The following VPS41 variants were observed in gnomAD, a reference collection of about 807,000 sequenced individuals.
VPS41 encodes vacuolar protein sorting-associated protein 41 homolog.
Under a neutral mutation model 130.9 loss-of-function variants are expected in VPS41, and 85 were observed. That is an observed-to-expected ratio of 0.65 (90% CI 0.55 to 0.78). The LOEUF is 0.78. VPS41 is among the 30% of genes least tolerant of loss of function. VPS41 has a pLI of 0.00. For synonymous variants in VPS41, 335 were observed against 332.9 expected (o/e 1.01, Z -0.07); for missense variants, 874 against 1,018.7 (o/e 0.86, Z 1.93).
chr7:38,818,503 G>A (rs758802270), intron 6 of VPS41, among the ~76,000 whole-genome samples: 2 of 152,098 alleles, frequency 1.3e-5, no homozygotes, highest in Non-Finnish European at 2.9e-5. Context: ...TTGCTACCCA[G>A]GTTTCTCTTA....
intron 7 of VPS41, among the ~76,000 whole-genome samples, chr7:38,811,093 A>G (rs1363837102): frequency 1.3e-5 from 2 of 152,126 alleles, no homozygotes; most frequent in African/African-American, 4.8e-5. Flanking sequence ...CTCCTTTCTT[A>G]ATGTAACCTT....
At chr7:38,817,202 T>C (rs73115622) in intron 7 of VPS41, among the ~76,000 whole-genome samples, 9,166 of 152,150 alleles carry the variant, frequency 0.06, 283 homozygotes, top group Middle Eastern at 0.082. Flanking sequence ...AGTTTAAGTG[T>C]GCTTTTGTTA....
intron 2 of VPS41, among the ~76,000 whole-genome samples, chr7:38,869,826 C>T (rs992766557): frequency 2.7e-4 from 41 of 151,948 alleles, no homozygotes; most frequent in African/African-American, 9.2e-4. Flanking sequence ...GTCAAAAAAC[C>T]ATTCAAACCA....
intron 7 of VPS41, among the ~76,000 whole-genome samples, chr7:38,813,955 G>A (rs185636150): frequency 9.8e-5 from 15 of 152,302 alleles, no homozygotes; most frequent in African/African-American, 3.4e-4. Context: ...CAACCAAAGA[G>A]ACAAACCAAA....
At chr7:38,786,770 G>A (rs1784446214) in intron 10 of VPS41, among the ~76,000 whole-genome samples, 1 of 152,096 alleles carries the variant, frequency 6.6e-6, no homozygotes, top group African/African-American at 2.4e-5. Context: ...AATGCCAGCT[G>A]TCATCATTTC....
chr7:38,725,615 C>T lies in VPS41; in HGVS notation c.*631G>A, dbSNP rs1373417393. 6.6e-6 allele frequency: 1 copy of T among 152,274 alleles called. No homozygotes were observed. Among genetic ancestry groups the T allele is most frequent in the Non-Finnish European group, 1.5e-5 (1 of 68,084 alleles). 9.4% of individuals were successfully genotyped at this position (152,274 alleles called of 1,614,324 possible). A position where few individuals can be genotyped will look rare whatever the true frequency, so the allele number is the denominator to read the frequency against. Reference sequence around the variant, plus strand: ...GCTGAGTGTCCGCCATGGCCAGATACTCTTTGACAGTCGTCACAGCACACA... The same window carrying T: ...GCTGAGTGTCCGCCATGGCCAGATATTCTTTGACAGTCGTCACAGCACACA... On this transcript the variant is annotated 3_prime_UTR_variant, in exon 29 of 29. Transcript: ENST00000310301.
Position 38,724,535 on chromosome 7 carries a change from C to T in VPS41, c.*1711G>A, listed in dbSNP as rs1795498076. 6.6e-6 allele frequency: 1 copy of T among 152,152 alleles called. No homozygotes were observed. Among genetic ancestry groups the T allele is most frequent in the Non-Finnish European group, 1.5e-5 (1 of 68,028 alleles). The allele number at this position is 152,152 out of a possible 1,614,324, so 9.4% of individuals were successfully genotyped here. A position where few individuals can be genotyped will look rare whatever the true frequency, so the allele number is the denominator to read the frequency against. On this transcript the variant is annotated 3_prime_UTR_variant, in exon 29 of 29. Coordinates refer to ENST00000310301, the MANE Select transcript of VPS41 (RefSeq NM_014396.4). ...CTGTTGTTTGCTAGAGAATTCTTAACTCTAATGTGAAGATATGTTCTGTGC... is the reference window on the plus strand; with the variant it reads ...CTGTTGTTTGCTAGAGAATTCTTAATTCTAATGTGAAGATATGTTCTGTGC...
intron 7 of VPS41, among the ~76,000 whole-genome samples, chr7:38,801,635 G>A (rs1235826492): frequency 6.6e-6 from 1 of 152,114 alleles, no homozygotes. Flanking sequence ...ATGTTTTATG[G>A]TCACACTGGT....
chr7:38,763,397 G>C, intron 17 of VPS41, 58 bp downstream of exon 17: 1 of 1,232,430 alleles, frequency 8.1e-7, no homozygotes, highest in Non-Finnish European at 1.1e-6. Flanking sequence ...TTCCTTTCTA[G>C]ATTTCCTAAC....
At chr7:38,907,632 T>C (rs1215289079) in intron 1 of VPS41, among the ~76,000 whole-genome samples, 2 of 152,236 alleles carry the variant, frequency 1.3e-5, no homozygotes, top group Non-Finnish European at 2.9e-5. Context: ...TAATTTTGTA[T>C]GTGTCATTTT....
At chr7:38,854,890 G>A (rs1183444141) in intron 4 of VPS41, among the ~76,000 whole-genome samples, 1 of 151,712 alleles carries the variant, frequency 6.6e-6, no homozygotes, top group African/African-American at 2.4e-5. Context: ...CACAAAGAAG[G>A]AGATGGTTAA....
In VPS41 at chr7:38,726,904, C is replaced by T; in HGVS notation, c.2484+5G>A. 1.3e-6 allele frequency: 2 copies of T among 1,547,156 alleles called. No individual in the cohort carries two copies. Among genetic ancestry groups the T allele is most frequent in the Non-Finnish European group, 1.7e-6 (2 of 1,148,496 alleles). On this transcript the variant is annotated splice_donor_5th_base_variant and intron_variant, in intron 28 of 28. Coordinates refer to ENST00000310301, the MANE Select transcript of VPS41 (RefSeq NM_014396.4). ...TAGTTGATAGGTGCCAAGCTGCCAA[C>T]TCACCATGCTGGGCATGGGCAGGCA...
At chr7:38,892,536 G>A (rs1201587102) in intron 2 of VPS41, among the ~76,000 whole-genome samples, 1 of 152,066 alleles carries the variant, frequency 6.6e-6, no homozygotes, top group African/African-American at 2.4e-5. Flanking sequence ...GCTCCAAAGG[G>A]GGCCCAGACC....
At chr7:38,784,144 A>G (rs918985428) in intron 10 of VPS41, among the ~76,000 whole-genome samples, 4 of 152,204 alleles carry the variant, frequency 2.6e-5, no homozygotes, top group Non-Finnish European at 5.9e-5. Flanking sequence ...GCTCCCATTT[A>G]ATGAACATTA....
At chr7:38,872,346 G>A (rs997651054) in intron 2 of VPS41, among the ~76,000 whole-genome samples, 2 of 152,202 alleles carry the variant, frequency 1.3e-5, no homozygotes, top group African/African-American at 4.8e-5. Context: ...ATGGAACACT[G>A]TCATTTCTAC....
At chr7:38,889,588 G>A (rs371028017) in intron 2 of VPS41, among the ~76,000 whole-genome samples, 3 of 148,942 alleles carry the variant, frequency 2.0e-5, no homozygotes, top group East Asian at 3.9e-4. Context: ...TAAAACTGAA[G>A]GGAAGATAAA....
chr7:38,726,191 T>C lies in VPS41; in HGVS notation c.*55A>G. On this transcript the variant is annotated 3_prime_UTR_variant, in exon 29 of 29. Transcript: ENST00000310301. The stretch of plus-strand genomic sequence containing the variant: ...GAGTGTCAACAAATGCTTTTGTTGT[T>C]GCAAAAACAGTCTCAAAAAGAGTGG... The C allele has an allele frequency of 8.0e-7, 1 of 1,253,226 alleles. No homozygotes were observed. Among genetic ancestry groups the C allele is most frequent in the Non-Finnish European group, 1.2e-6 (1 of 852,726 alleles). 77.6% of individuals were successfully genotyped at this position (1,253,226 alleles called of 1,614,324 possible).
At chr7:38,880,379 C>T (rs1193595060) in intron 2 of VPS41, among the ~76,000 whole-genome samples, 1 of 152,160 alleles carries the variant, frequency 6.6e-6, no homozygotes, top group East Asian at 1.9e-4. Flanking sequence ...TTTTTTCACA[C>T]ACATTTAAGT....
In VPS41 at chr7:38,891,833, T is replaced by C. The variant is rs1460485724; in HGVS notation, c.60+6258A>G. ...AATTCATTTCTGGATATTTAGCCTG[T>C]TTCCAAATTTTTGTATTATACAAAG... is the stretch of plus-strand genomic sequence containing the variant. On this transcript the variant is annotated intron_variant, in intron 2 of 28. Transcript: ENST00000310301. 2.0e-5 allele frequency among the ~76,000 whole-genome samples: 3 copies of C among 152,120 alleles called. No individual in the cohort carries two copies. In the East Asian group the frequency reaches 5.8e-4, roughly 29 times the overall value.
Sources: allele counts gnomAD v4.1 joint callset (sites outside exome capture counted in the v4.1 genomes callset), GRCh38; gene constraint gnomAD v4.1.1; transcripts MANE v1.5; gene names NCBI Gene and HGNC (gene_info 2026-07-23, HGNC 2026-07-21).